DCC: variants seen among roughly 807,000 people sequenced by gnomAD.
DCC encodes DCC netrin 1 receptor, also known as netrin receptor DCC.
In DCC, 58 loss-of-function variants were observed where a neutral mutation model predicts 172.5. That is an observed-to-expected ratio of 0.34 (90% CI 0.27 to 0.42). The LOEUF (loss-of-function observed/expected upper bound fraction) is 0.42. DCC is among the 10% of genes least tolerant of loss of function. The pLI is 1.00. For missense variants in DCC, 1,740 were observed against 1,791.0 expected (o/e 0.97, Z 0.51); for synonymous variants, 709 against 644.5 (o/e 1.10, Z -1.52).
At chr18:53,238,005 C>A (rs2056230665) in intron 12 of DCC, among the ~76,000 whole-genome samples, 1 of 152,122 alleles carries the variant, frequency 6.6e-6, no homozygotes, top group Non-Finnish European at 1.5e-5. Flanking sequence ...AACCTTTAAA[C>A]CTATTACTTT....
chr18:52,649,893 A>G (rs574886552), intron 1 of DCC, among the ~76,000 whole-genome samples: 68 of 151,956 alleles, frequency 4.5e-4, no homozygotes, highest in Non-Finnish European at 9.0e-4. Context: ...ATATGAGTGC[A>G]GGGATCTTCT....
chr18:53,037,554 G>A (rs556641421), intron 5 of DCC, among the ~76,000 whole-genome samples: 26 of 151,800 alleles, frequency 1.7e-4, no homozygotes, highest in Non-Finnish European at 3.7e-4. Flanking sequence ...TTGAGTAGAA[G>A]ATCATAAAAA....
chr18:52,854,316 C>A (rs1248524219), intron 2 of DCC, among the ~76,000 whole-genome samples: 2 of 151,854 alleles, frequency 1.3e-5, no homozygotes, highest in Non-Finnish European at 2.9e-5. Context: ...TTCTAAAATG[C>A]CTTTCTAATT....
chr18:53,161,304 A>G (rs1392924301), intron 8 of DCC, among the ~76,000 whole-genome samples: 1 of 152,210 alleles, frequency 6.6e-6, no homozygotes, highest in Non-Finnish European at 1.5e-5. Flanking sequence ...TTGGACAATC[A>G]GCAAATTTTG....
chr18:52,858,035 C>A (rs1395504852), intron 2 of DCC, among the ~76,000 whole-genome samples: 2 of 152,174 alleles, frequency 1.3e-5, no homozygotes, highest in Non-Finnish European at 2.9e-5. Flanking sequence ...ATGTTCATTG[C>A]TGGAACCTCA....
At chr18:52,981,690 A>C (rs2041212349) in intron 5 of DCC, among the ~76,000 whole-genome samples, 1 of 152,234 alleles carries the variant, frequency 6.6e-6, no homozygotes, top group African/African-American at 2.4e-5. Context: ...GATTAGAAGT[A>C]GTATACATCT....
At chr18:52,859,028 C>G (rs114017658) in intron 2 of DCC, among the ~76,000 whole-genome samples, 3,239 of 152,230 alleles carry the variant, frequency 0.021, 97 homozygotes, top group African/African-American at 0.07. Context: ...AAAAAAATGG[C>G]CCATTGGCTC....
At chr18:53,493,151 T>C (rs1245306437) in intron 26 of DCC, among the ~76,000 whole-genome samples, 1 of 152,232 alleles carries the variant, frequency 6.6e-6, no homozygotes, top group Non-Finnish European at 1.5e-5. Context: ...ATAGGAATGC[T>C]TGTGATTTTT....
intron 1 of DCC, among the ~76,000 whole-genome samples, chr18:52,375,204 T>C (rs1423137743): frequency 6.6e-6 from 1 of 152,182 alleles, no homozygotes; most frequent in East Asian, 1.9e-4. Flanking sequence ...GAGAAGTCAG[T>C]GACTTTAGGA....
intron 2 of DCC, among the ~76,000 whole-genome samples, chr18:52,832,941 C>A (rs2038643546): frequency 6.6e-6 from 1 of 151,964 alleles, no homozygotes; most frequent in African/African-American, 2.4e-5. Context: ...TTAAAATGTA[C>A]ATATTAATGA....
intron 1 of DCC, among the ~76,000 whole-genome samples, chr18:52,517,720 C>T (rs913296273): frequency 1.3e-5 from 2 of 152,182 alleles, no homozygotes; most frequent in African/African-American, 4.8e-5. Context: ...TAGAATGTTA[C>T]TAGCACTTGT....
At chr18:53,321,836 GA>G (rs1406608373) in intron 13 of DCC, among the ~76,000 whole-genome samples, 4 of 151,954 alleles carry the variant, frequency 2.6e-5, no homozygotes, top group Admixed American at 1.3e-4. Context: ...TTATAAACTG[GA>G]AAAAAACTCA....
chr18:52,357,301 G>C (rs111259933), intron 1 of DCC, among the ~76,000 whole-genome samples: 3,138 of 152,166 alleles, frequency 0.021, 116 homozygotes, highest in African/African-American at 0.072. Context: ...TAAGGCTGGA[G>C]CATCTTGGAG....
intron 2 of DCC, among the ~76,000 whole-genome samples, chr18:52,760,988 A>G (rs1247752591): frequency 6.6e-6 from 1 of 152,224 alleles, no homozygotes; most frequent in African/African-American, 2.4e-5. Flanking sequence ...CTTTATATTT[A>G]TAATCTATAT....
chr18:53,190,458 CTGTGTGTGTGTGTG>C (rs67103778), intron 9 of DCC, among the ~76,000 whole-genome samples: 5,678 of 146,210 alleles, frequency 0.039, 138 homozygotes, highest in Non-Finnish European at 0.053. Context: ...ACTGCTAACT[CTGTGTGTGTGTGTG>C]TGTGTGTGTG....
intron 1 of DCC, among the ~76,000 whole-genome samples, chr18:52,396,121 A>G (rs1986217504): frequency 1.3e-5 from 2 of 152,024 alleles, no homozygotes; most frequent in Non-Finnish European, 2.9e-5. Flanking sequence ...GTATGATTCC[A>G]GGCAAACTGT....
intron 15 of DCC, among the ~76,000 whole-genome samples, chr18:53,356,669 C>T (rs1218246205): frequency 5.3e-5 from 8 of 152,226 alleles, no homozygotes; most frequent in African/African-American, 1.9e-4. Flanking sequence ...TGTCCTCAGC[C>T]TTGGGAAGTG....
At chr18:53,298,338 C>T (rs2057091943) in intron 12 of DCC, among the ~76,000 whole-genome samples, 1 of 151,666 alleles carries the variant, frequency 6.6e-6, no homozygotes, top group Non-Finnish European at 1.5e-5. Context: ...GAGTTCAAGA[C>T]CAATCTGGAC....
chr18:53,207,289 G>C (rs2055667703), intron 10 of DCC, among the ~76,000 whole-genome samples: 1 of 152,188 alleles, frequency 6.6e-6, no homozygotes, highest in African/African-American at 2.4e-5. Flanking sequence ...ATTTCAGCAA[G>C]AGAAGCACAA....
Sources: allele counts gnomAD v4.1 joint callset (sites outside exome capture counted in the v4.1 genomes callset), GRCh38; gene constraint gnomAD v4.1.1; transcripts MANE v1.5; gene names NCBI Gene and HGNC (gene_info 2026-07-23, HGNC 2026-07-21).